The following TMEM131 variants were observed in gnomAD, a reference collection of about 807,000 sequenced individuals.
The protein encoded by TMEM131 is 2610524E03Rik.
Under a neutral mutation model 211.6 loss-of-function variants are expected in TMEM131, and 66 were observed. That is an observed-to-expected ratio of 0.31 (90% CI 0.26 to 0.38). TMEM131 has a LOEUF of 0.38. Among genes scored for constraint, TMEM131 ranks in the 10% least tolerant of loss-of-function variants. The pLI is 1.00. For missense variants in TMEM131, 2,036 were observed against 2,299.3 expected, an observed-to-expected ratio of 0.89 and a Z score of 2.34; for synonymous variants, 844 against 841.3, an observed-to-expected ratio of 1.00 and a Z score of -0.06.
intron 1 of TMEM131, among the ~76,000 whole-genome samples, chr2:97,966,031 T>C (rs1386684475): frequency 6.6e-6 from 1 of 151,874 alleles, no homozygotes; most frequent in Non-Finnish European, 1.5e-5. Context: ...AAAAGCAATT[T>C]TTTAAAAAAA....
At chr2:97,818,511 T>C (rs969793015) in intron 12 of TMEM131, 102 bp downstream of exon 12, 3 of 547,408 alleles carry the variant, frequency 5.5e-6, no homozygotes, top group East Asian at 6.1e-5. Flanking sequence ...TAAATTCTGA[T>C]GGTAAAACAG....
At chr2:97,786,215 C>T (rs1048962893) in intron 31 of TMEM131, among the ~76,000 whole-genome samples, 1 of 152,030 alleles carries the variant, frequency 6.6e-6, no homozygotes, top group Non-Finnish European at 1.5e-5. Flanking sequence ...ATTATTTGCA[C>T]GTGAATCTAC....
chr2:97,990,854 C>T (rs956344146), intron 1 of TMEM131, among the ~76,000 whole-genome samples: 4 of 152,096 alleles, frequency 2.6e-5, no homozygotes, highest in Non-Finnish European at 4.4e-5. Flanking sequence ...GTCACAAATA[C>T]AGCTTAAAAC....
At chr2:97,900,797 T>C (rs572117420) in intron 3 of TMEM131, among the ~76,000 whole-genome samples, 23 of 152,256 alleles carry the variant, frequency 1.5e-4, no homozygotes, top group African/African-American at 5.3e-4. Flanking sequence ...GCCACACTGT[T>C]TTCCATAATA....
intron 13 of TMEM131, among the ~76,000 whole-genome samples, 169 bp from the exon 14 acceptor site, chr2:97,814,557 T>C (rs972154881): frequency 3.3e-5 from 5 of 152,190 alleles, no homozygotes; most frequent in African/African-American, 4.8e-5. Context: ...TAAAACAAAA[T>C]TTAGCTTGCA....
chr2:97,840,647 A>G (rs1573443942), intron 7 of TMEM131, among the ~76,000 whole-genome samples: 1 of 152,220 alleles, frequency 6.6e-6, no homozygotes, highest in African/African-American at 2.4e-5. Context: ...TAGATTTGTA[A>G]TAACAGCCAG....
chr2:97,861,921 G>A (rs915811743), intron 4 of TMEM131, among the ~76,000 whole-genome samples: 5 of 152,098 alleles, frequency 3.3e-5, no homozygotes, highest in East Asian at 1.9e-4. Flanking sequence ...GGCCTTGGGC[G>A]AGACTCAGTG....
intron 3 of TMEM131, among the ~76,000 whole-genome samples, chr2:97,902,526 T>C (rs1289481630): frequency 1.3e-5 from 2 of 152,206 alleles, no homozygotes; most frequent in African/African-American, 4.8e-5. Flanking sequence ...AATAGGAATA[T>C]GTTTGTGTAT....
chr2:97,903,217 A>G (rs1234237889), intron 3 of TMEM131, among the ~76,000 whole-genome samples: 1 of 152,150 alleles, frequency 6.6e-6, no homozygotes, highest in African/African-American at 2.4e-5. Context: ...ACATACCAGA[A>G]AGTAAGAAGT....
chr2:97,789,496 TGGAGGCTCA>T (rs1680400991), intron 31 of TMEM131, among the ~76,000 whole-genome samples: 1 of 152,180 alleles, frequency 6.6e-6, no homozygotes, highest in Non-Finnish European at 1.5e-5. Context: ...AAATAACAAG[TGGAGGCTCA>T]GGGGAGTCAT....
chr2:97,829,066 CACT>C (rs1340230434), intron 11 of TMEM131, among the ~76,000 whole-genome samples: 1 of 152,224 alleles, frequency 6.6e-6, no homozygotes, highest in African/African-American at 2.4e-5. Context: ...CTCTGGAGGA[CACT>C]ACCACTGCAG....
chr2:97,880,151 T>TTTTTTTTTTTTTTTTTTTTTTTTTTTTG (rs1156959853), intron 4 of TMEM131, among the ~76,000 whole-genome samples: 1 of 152,172 alleles, frequency 6.6e-6, no homozygotes. Flanking sequence ...AAACTATCTT[T>TTTTTTTTTTTTTTTTTTTTTTTTTTTTG]AGAGGGGAGA....
chr2:97,837,595 G>C (rs1273117407), intron 7 of TMEM131, among the ~76,000 whole-genome samples: 1 of 152,034 alleles, frequency 6.6e-6, no homozygotes, highest in Non-Finnish European at 1.5e-5. Flanking sequence ...TTGTGAGATG[G>C]GGAAGAGTAA....
intron 31 of TMEM131, 115 bp downstream of exon 31, chr2:97,792,271 C>A: frequency 1.2e-6 from 1 of 838,870 alleles, no homozygotes; most frequent in South Asian, 2.3e-5. Context: ...TAAATCTGAG[C>A]CAGAGGAACC....
At chr2:97,849,840 C>A (rs1343884016) in intron 5 of TMEM131, among the ~76,000 whole-genome samples, 1 of 149,766 alleles carries the variant, frequency 6.7e-6, no homozygotes, top group Admixed American at 6.7e-5. Flanking sequence ...TCCCCTGGGG[C>A]AAGAACAAAT....
At chr2:97,901,600 C>T (rs1675856196) in intron 3 of TMEM131, among the ~76,000 whole-genome samples, 1 of 151,944 alleles carries the variant, frequency 6.6e-6, no homozygotes, top group Admixed American at 6.6e-5. Flanking sequence ...TATTATTCAG[C>T]CATAAAAAAC....
At chr2:97,917,941 T>C (rs6746457) in intron 2 of TMEM131, among the ~76,000 whole-genome samples, 52 of 151,518 alleles carry the variant, frequency 3.4e-4, no homozygotes, top group African/African-American at 8.2e-4. Flanking sequence ...ATTGGTTTTT[T>C]TCTCTCTTTT....
intron 3 of TMEM131, among the ~76,000 whole-genome samples, chr2:97,892,667 T>A (rs1029688063): frequency 1.1e-4 from 17 of 152,296 alleles, no homozygotes; most frequent in African/African-American, 3.8e-4. Context: ...CTGGCCTCAT[T>A]TTTTCTTTTA....
At chr2:97,936,957 A>C (rs1476424743) in intron 1 of TMEM131, among the ~76,000 whole-genome samples, 1 of 152,148 alleles carries the variant, frequency 6.6e-6, no homozygotes, top group African/African-American at 2.4e-5. Context: ...AGAGAAAGAA[A>C]TTATTAAAAT....
Sources: allele counts gnomAD v4.1 joint callset (sites outside exome capture counted in the v4.1 genomes callset), GRCh38; gene constraint gnomAD v4.1.1; transcripts MANE v1.5; gene names NCBI Gene and HGNC (gene_info 2026-07-23, HGNC 2026-07-21).